The following SLC12A1 variants were observed in gnomAD, a reference collection of about 807,000 sequenced individuals.
SLC12A1 encodes solute carrier family 12 member 1.
SLC12A1 carries 89 observed loss-of-function variants against 130.4 expected under a neutral mutation model. The ratio of observed to expected loss-of-function variants is 0.68; its 90% CI spans 0.58 to 0.81. The LOEUF is 0.81. SLC12A1 is among the 40% of genes least tolerant of loss of function. SLC12A1 has a pLI of 0.00. For synonymous variants in SLC12A1, 499 were observed against 460.0 expected (o/e 1.08, Z -1.09); for missense variants, 1,310 against 1,336.4 (o/e 0.98, Z 0.31).
At position 48,285,213 on chromosome 15, in the gene SLC12A1, G is replaced by A. The variant is rs2042044940; in HGVS notation, c.2593G>A (p.Gly865Ser). 2.5e-6 allele frequency: 4 copies of A among 1,613,760 alleles called. No homozygotes were observed. In the East Asian group the frequency reaches 8.9e-5, roughly 36 times the overall value. ...GGIRGLFKKA[G>S]KLNITKTTPK... ...CATCCGAGGCTTGTTTAAAAAAGCT[G>A]GCAAGTTGAACATTACTAAGACAAC... The change falls in exon 21 of 27, where the codon GGC (glycine) becomes AGC (serine). Residue 865 changes from glycine (G) to serine (S), a missense_variant. Transcript: ENST00000380993.
intron 9 of SLC12A1, chr15:48,235,475 C>A (rs2041429621): frequency 1.1e-5 from 2 of 189,044 alleles, no homozygotes; most frequent in Admixed American, 5.5e-5. Flanking sequence ...AAAAGACCAG[C>A]AATAGTGGCC....
chr15:48,303,002 AC>A lies in SLC12A1; in HGVS notation c.*119del. The A allele has an allele frequency of 2.8e-6, 2 of 703,482 alleles. No individual in the cohort carries two copies. Among genetic ancestry groups the A allele is most frequent in the Non-Finnish European group, 4.4e-6 (2 of 451,698 alleles). The allele number at this position is 703,482 out of a possible 1,614,324, so 43.6% of individuals were successfully genotyped here. ...TATGCAAACCTCTGGAGAGGATCCT[AC>A]CAGATTCTACATACATTGCATAATT... On this transcript the variant is annotated 3_prime_UTR_variant, in exon 27 of 27. Transcript: ENST00000380993.
intron 13 of SLC12A1, 70 bp downstream of exon 13, chr15:48,247,530 T>C (rs2041596578): frequency 3.2e-6 from 4 of 1,233,658 alleles, no homozygotes; most frequent in African/African-American, 1.5e-5. Context: ...GCTTTCCTTT[T>C]AGTTTGAAAA....
rs368192131 is a variant in SLC12A1 at position 48,220,907 on chromosome 15, G to T, written c.553-14G>T. The T allele has an allele frequency of 6.2e-6, 10 of 1,613,524 alleles. No individual in the cohort carries two copies. In the South Asian group the frequency reaches 6.6e-5, roughly 11 times the overall value. On this transcript the variant is annotated splice_polypyrimidine_tract_variant and intron_variant, in intron 3 of 26. Coordinates refer to ENST00000380993, the MANE Select transcript of SLC12A1 (RefSeq NM_000338.3). Reference sequence around the variant, plus strand: ...GTTTGTCCTGTCTCCTTTCAATACCGCTTCTATCCACAGGTAAGATGCATG... The same window carrying T: ...GTTTGTCCTGTCTCCTTTCAATACCTCTTCTATCCACAGGTAAGATGCATG...
At chr15:48,242,516 G>T (rs1177223292) in intron 10 of SLC12A1, among the ~76,000 whole-genome samples, 1 of 152,182 alleles carries the variant, frequency 6.6e-6, no homozygotes, top group African/African-American at 2.4e-5. Context: ...TAAGAGTATT[G>T]TTGCGGCTGG....
At chr15:48,263,313 T>G (rs2041796289) in intron 17 of SLC12A1, among the ~76,000 whole-genome samples, 1 of 152,170 alleles carries the variant, frequency 6.6e-6, no homozygotes. Context: ...GCCACTTACC[T>G]CTTTTCTCAA....
chr15:48,293,540 A>T (rs2042142518), intron 24 of SLC12A1, among the ~76,000 whole-genome samples: 1 of 151,990 alleles, frequency 6.6e-6, no homozygotes, highest in Admixed American at 6.6e-5. Context: ...TTCCTTTTGT[A>T]CTTCTTGATG....
chr15:48,208,254 C>A, intron 2 of SLC12A1, 115 bp downstream of exon 2: 1 of 1,005,632 alleles, frequency 9.9e-7, no homozygotes, highest in Non-Finnish European at 1.4e-6. Context: ...AGGTCTATTC[C>A]AAACACTATC....
intron 2 of SLC12A1, among the ~76,000 whole-genome samples, chr15:48,209,210 T>A (rs2041021809): frequency 6.6e-6 from 1 of 152,142 alleles, no homozygotes; most frequent in African/African-American, 2.4e-5. Context: ...TACAGGCATG[T>A]GCCACCACCA....
At chr15:48,220,165 AG>A (rs2041190573) in intron 2 of SLC12A1, among the ~76,000 whole-genome samples, 5 of 151,308 alleles carry the variant, frequency 3.3e-5, no homozygotes, top group African/African-American at 1.2e-4. Flanking sequence ...ATAGATAGAT[AG>A]ATAGATAGAT....
chr15:48,240,415 G>A (rs142858583), intron 9 of SLC12A1, among the ~76,000 whole-genome samples: 1 of 152,132 alleles, frequency 6.6e-6, no homozygotes, highest in African/African-American at 2.4e-5. Context: ...TCCTAGAAGA[G>A]TGGGGAGAAA....
chr15:48,268,669 A>G (rs2041859450), intron 18 of SLC12A1, among the ~76,000 whole-genome samples: 1 of 152,288 alleles, frequency 6.6e-6, no homozygotes, highest in South Asian at 2.1e-4. Context: ...TGCAAAACCT[A>G]TTACCCACAA....
chr15:48,232,771 C>T lies in SLC12A1; in HGVS notation c.1020C>T (p.Asn340=). 2 of 1,613,574 alleles carry T rather than the reference C, an allele frequency of 1.2e-6. No individual in the cohort carries two copies. Among genetic ancestry groups the T allele is most frequent in the Non-Finnish European group, 1.7e-6 (2 of 1,179,490 alleles). ...LLVILLIAIA[N]FFIGTVIPSN... is the part of the protein sequence containing the mutation. Reference sequence around the variant, plus strand: ...TCATTCTTCTAATTGCTATTGCAAACTTCTTCATTGGAACTGTCATTCCAT... The same window carrying T: ...TCATTCTTCTAATTGCTATTGCAAATTTCTTCATTGGAACTGTCATTCCAT... The change falls in exon 8 of 27, where the codon AAC becomes AAT. Residue 340 remains asparagine, a synonymous_variant. Transcript: ENST00000380993.
chr15:48,219,447 T>A (rs2041171522), intron 2 of SLC12A1, among the ~76,000 whole-genome samples: 1 of 152,000 alleles, frequency 6.6e-6, no homozygotes, highest in Admixed American at 6.5e-5. Context: ...TCCCAGCTAC[T>A]CTAGAGGTTG....
intron 15 of SLC12A1, among the ~76,000 whole-genome samples, chr15:48,254,387 T>C (rs979085051): frequency 2.0e-5 from 3 of 151,608 alleles, no homozygotes; most frequent in African/African-American, 7.3e-5. Flanking sequence ...CAGCCTAAGG[T>C]ATGCTTAATG....
intron 17 of SLC12A1, among the ~76,000 whole-genome samples, 183 bp downstream of exon 17, chr15:48,259,494 G>A (rs560670630): frequency 9.2e-5 from 14 of 152,326 alleles, no homozygotes; most frequent in African/African-American, 2.9e-4. Context: ...AATTTAAACA[G>A]GTAGATGTAA....
chr15:48,269,810 G>T lies in SLC12A1; in HGVS notation c.2402+46G>T, dbSNP rs374345849. Reference sequence around the variant, plus strand: ...CGTGTTCTTGTTTATAAAGCACTAAGCAGGGCAGTACATAACTTGTACTGC... The same window carrying T: ...CGTGTTCTTGTTTATAAAGCACTAATCAGGGCAGTACATAACTTGTACTGC... On this transcript the variant is annotated intron_variant, in intron 19 of 26. Transcript: ENST00000380993. 3.8e-5 allele frequency: 40 copies of T among 1,062,554 alleles called. No homozygotes were observed. In the African/African-American group the frequency reaches 6.2e-4, roughly 17 times the overall value. 65.8% of individuals were successfully genotyped at this position (1,062,554 alleles called of 1,614,324 possible). A position where few individuals can be genotyped will look rare whatever the true frequency, so the allele number is the denominator to read the frequency against.
intron 16 of SLC12A1, among the ~76,000 whole-genome samples, chr15:48,256,444 T>A (rs2041707747): frequency 6.6e-6 from 1 of 152,174 alleles, no homozygotes; most frequent in Non-Finnish European, 1.5e-5. Context: ...AGGGGGACTG[T>A]ATTAGTCCAT....
chr15:48,258,532 T>C (rs188277895), intron 16 of SLC12A1, among the ~76,000 whole-genome samples: 1 of 152,308 alleles, frequency 6.6e-6, no homozygotes, highest in African/African-American at 2.4e-5. Context: ...TTACGCATCT[T>C]CCTTTCTTCT....
Sources: gnomAD v4.1 joint callset for allele counts (sites outside exome capture counted in the v4.1 genomes callset) on GRCh38, gnomAD v4.1.1 for gene constraint, MANE v1.5 for transcripts, NCBI Gene and HGNC (gene_info 2026-07-23, HGNC 2026-07-21) for gene names.